Variants in RGL1 observed in about 807,000 individuals in gnomAD.
RGL1 encodes ral guanine nucleotide dissociation stimulator like 1, also known as ral guanine nucleotide dissociation stimulator-like 1.
A neutral mutation model predicts 95.2 loss-of-function variants in RGL1; 24 were observed. The observed-to-expected ratio is 0.25, with a 90% CI of 0.18 to 0.35. RGL1 has a LOEUF of 0.35. Ranked by LOEUF, RGL1 falls within the 10% of genes least tolerant of loss-of-function variation. The pLI, the probability that RGL1 is intolerant of heterozygous loss-of-function variation, is 1.00. For synonymous variants in RGL1, 329 were observed against 344.9 expected (o/e 0.95, Z 0.51); for missense variants, 715 against 936.3 (o/e 0.76, Z 3.08).
chr1:183,884,793 A>C lies in RGL1; in HGVS notation c.806A>C (p.Asn269Thr), dbSNP rs1558270804. 6.2e-7 allele frequency: 1 copy of C among 1,614,130 alleles called. No homozygotes were observed. ...TGGTCTCGAAGGGATAAGAAGGAAAACAAACATTTGGCTCCTACGATCCGT... is the reference window on the plus strand; with the variant it reads ...TGGTCTCGAAGGGATAAGAAGGAAACCAAACATTTGGCTCCTACGATCCGT... Reference protein sequence around the residue: ...CIWSRRDKKENKHLAPTIRAT... With the variant: ...CIWSRRDKKETKHLAPTIRAT... Residue 269 changes from asparagine to threonine, a missense_variant, in exon 7 of 18, where the codon AAC becomes ACC. Coordinates refer to ENST00000360851, the MANE Select transcript of RGL1 (RefSeq NM_001297671.3).
intron 2 of RGL1, among the ~76,000 whole-genome samples, chr1:183,824,757 C>A (rs945154208): frequency 6.6e-6 from 1 of 152,184 alleles, no homozygotes; most frequent in Non-Finnish European, 1.5e-5. Context: ...CCACCTTGAT[C>A]TCTTTAGGTG....
intron 1 of RGL1, among the ~76,000 whole-genome samples, chr1:183,726,552 GAC>G (rs1656323482): frequency 6.6e-6 from 1 of 152,026 alleles, no homozygotes; most frequent in South Asian, 2.1e-4. Context: ...TTCCTTGAAA[GAC>G]ACAATCAAAA....
At chr1:183,694,157 G>A (rs982509274) in intron 1 of RGL1, among the ~76,000 whole-genome samples, 1 of 152,208 alleles carries the variant, frequency 6.6e-6, no homozygotes, top group East Asian at 1.9e-4. Flanking sequence ...CTATCAGAGA[G>A]AATTTTATGT....
At chr1:183,654,037 G>C (rs939274824) in intron 1 of RGL1, among the ~76,000 whole-genome samples, 4 of 152,142 alleles carry the variant, frequency 2.6e-5, no homozygotes, top group Non-Finnish European at 1.5e-5. Flanking sequence ...ATAACTATTG[G>C]CTGTAAGCAG....
At chr1:183,654,237 C>T (rs184677774) in intron 1 of RGL1, among the ~76,000 whole-genome samples, 396 of 152,272 alleles carry the variant, frequency 2.6e-3, no homozygotes, top group Middle Eastern at 6.8e-3. Context: ...TATTCATGAA[C>T]TCCTCAGCTG....
chr1:183,725,145 G>C (rs572615023), intron 1 of RGL1, among the ~76,000 whole-genome samples: 9 of 152,170 alleles, frequency 5.9e-5, no homozygotes, highest in Non-Finnish European at 1.2e-4. Flanking sequence ...AAGAGCCACA[G>C]CGTTACTGAG....
At chr1:183,758,248 G>T (rs1427320015) in intron 2 of RGL1, among the ~76,000 whole-genome samples, 1 of 151,038 alleles carries the variant, frequency 6.6e-6, no homozygotes, top group Non-Finnish European at 1.5e-5. Context: ...CCAGGCTGGA[G>T]TGCAGTGGCA....
At chr1:183,908,358 C>T (rs1001999215) in intron 14 of RGL1, among the ~76,000 whole-genome samples, 18 of 152,152 alleles carry the variant, frequency 1.2e-4, no homozygotes, top group Non-Finnish European at 1.9e-4. Context: ...AGCGGCCACG[C>T]AGGCTGCTAT....
intron 2 of RGL1, among the ~76,000 whole-genome samples, chr1:183,833,287 A>T (rs564277260): frequency 5.3e-5 from 8 of 152,216 alleles, no homozygotes; most frequent in Non-Finnish European, 8.8e-5. Flanking sequence ...ACTTTATCCA[A>T]GCTTTTATTA....
At chr1:183,821,798 T>A (rs527349685) in intron 2 of RGL1, among the ~76,000 whole-genome samples, 36 of 152,276 alleles carry the variant, frequency 2.4e-4, no homozygotes, top group Non-Finnish European at 4.0e-4. Context: ...GGTTACTTGC[T>A]TCTCGGAGAC....
chr1:183,836,993 A>G (rs1663707046), intron 2 of RGL1, among the ~76,000 whole-genome samples: 1 of 152,196 alleles, frequency 6.6e-6, no homozygotes, highest in Admixed American at 6.5e-5. Context: ...AGTGGGAACT[A>G]AATGTTCCCA....
At chr1:183,737,080 G>T (rs146831909) in intron 1 of RGL1, among the ~76,000 whole-genome samples, 7 of 152,220 alleles carry the variant, frequency 4.6e-5, no homozygotes, top group African/African-American at 1.7e-4. Flanking sequence ...TCAGCATGGA[G>T]GTTAATAAAA....
chr1:183,644,723 A>T (rs1002761513), intron 1 of RGL1, among the ~76,000 whole-genome samples: 1 of 152,164 alleles, frequency 6.6e-6, no homozygotes, highest in Non-Finnish European at 1.5e-5. Flanking sequence ...GTAAGATTCC[A>T]TTCTGTGAGT....
At chr1:183,654,030 A>G (rs1397360609) in intron 1 of RGL1, among the ~76,000 whole-genome samples, 3 of 152,180 alleles carry the variant, frequency 2.0e-5, no homozygotes, top group Non-Finnish European at 4.4e-5. Context: ...TCCAGTAATA[A>G]CTATTGGCTG....
rs1415141693 is a variant in RGL1, at chr1:183,838,800, A to G, written c.139-8766A>G. ...GTATGCTGATAAACTGGCCCTCCAAAATAAAAACCCTAATTTGTAGCATTG... is the reference window on the plus strand; with the variant it reads ...GTATGCTGATAAACTGGCCCTCCAAGATAAAAACCCTAATTTGTAGCATTG... On this transcript the variant is annotated intron_variant, in intron 2 of 17. Coordinates refer to ENST00000360851, the MANE Select transcript of RGL1 (RefSeq NM_001297671.3). 2.6e-5 allele frequency among the ~76,000 whole-genome samples: 4 copies of G among 152,202 alleles called. No homozygotes were observed. In the East Asian group the frequency reaches 7.7e-4, roughly 29 times the overall value.
In RGL1 at chr1:183,928,499, A is replaced by C. The variant is rs1669744618; in HGVS notation, c.*2207A>C. 1 of 152,484 alleles carries C rather than the reference A, an allele frequency of 6.6e-6. No individual in the cohort carries two copies. Among genetic ancestry groups the C allele is most frequent in the Non-Finnish European group, 1.5e-5 (1 of 68,016 alleles). 9.4% of individuals were successfully genotyped at this position (152,484 alleles called of 1,614,324 possible). ...GGTTAAACTAATAAACTAGTTTGGG[A>C]CTTGGCTGGCATGTGCTGCCAGACC... On this transcript the variant is annotated 3_prime_UTR_variant, in exon 18 of 18. Transcript: ENST00000360851.
At position 183,897,916 on chromosome 1, in the gene RGL1, T is replaced by A; in HGVS notation, c.1230+19T>A. Reference sequence around the variant, plus strand: ...GGACATGGTATGTCTGGCCCTCGTCTTCCCTGACAGCTCACAGAGGAGAAG... The same window carrying A: ...GGACATGGTATGTCTGGCCCTCGTCATCCCTGACAGCTCACAGAGGAGAAG... On this transcript the variant is annotated intron_variant, in intron 10 of 17. Transcript: ENST00000360851. The A allele has an allele frequency of 6.2e-7, 1 of 1,604,074 alleles. No individual in the cohort carries two copies. Among genetic ancestry groups the A allele is most frequent in the Non-Finnish European group, 8.5e-7 (1 of 1,171,136 alleles).
chr1:183,821,975 G>A (rs961900095), intron 2 of RGL1, among the ~76,000 whole-genome samples: 1 of 152,162 alleles, frequency 6.6e-6, no homozygotes, highest in African/African-American at 2.4e-5. Flanking sequence ...CTAGAAGCAT[G>A]TCTGTCTTCT....
At chr1:183,746,627 T>A (rs1315741944) in intron 2 of RGL1, among the ~76,000 whole-genome samples, 1 of 149,880 alleles carries the variant, frequency 6.7e-6, no homozygotes, top group Non-Finnish European at 1.5e-5. Context: ...CATGTATTTT[T>A]TTTTTTTTTT....
Sources: gnomAD v4.1 joint callset for allele counts (sites outside exome capture counted in the v4.1 genomes callset) on GRCh38, gnomAD v4.1.1 for gene constraint, MANE v1.5 for transcripts, NCBI Gene and HGNC (gene_info 2026-07-23, HGNC 2026-07-21) for gene names.